The following ABTB3 variants were observed in gnomAD, a reference collection of about 807,000 sequenced individuals.
The protein encoded by ABTB3 is ankyrin repeat- and BTB/POZ domain-containing protein 3.
chr12:107,336,733 A>G, the ABTB3 span, among the ~76,000 whole-genome samples: 1 of 152,260 alleles, frequency 6.6e-6, no homozygotes, highest in African/African-American at 2.4e-5. Flanking sequence ...AGGCACTTCA[A>G]CATACTGTTC....
chr12:107,459,138 C>G, the ABTB3 span, among the ~76,000 whole-genome samples: 4 of 152,334 alleles, frequency 2.6e-5, no homozygotes, highest in South Asian at 2.1e-4. Context: ...CCCTGCCCCC[C>G]ACAACCCTAT....
chr12:107,504,021 G>T, the ABTB3 span, among the ~76,000 whole-genome samples: 6 of 152,112 alleles, frequency 3.9e-5, no homozygotes. Context: ...ATAGGGCCCT[G>T]CTTCCCCAGC....
chr12:107,607,397 GC>G, the ABTB3 span, among the ~76,000 whole-genome samples: 1 of 152,150 alleles, frequency 6.6e-6, no homozygotes, highest in Non-Finnish European at 1.5e-5. Flanking sequence ...CCTCCAGCCA[GC>G]TCTCCCCCAC....
At chr12:107,641,464 A>C in the ABTB3 span, among the ~76,000 whole-genome samples, 1 of 152,226 alleles carries the variant, frequency 6.6e-6, no homozygotes. Flanking sequence ...GACACATATC[A>C]GCTTATTCTT....
the ABTB3 span, among the ~76,000 whole-genome samples, chr12:107,396,696 GA>G: frequency 6.6e-6 from 1 of 151,294 alleles, no homozygotes; most frequent in Admixed American, 6.6e-5. Flanking sequence ...AGAATTAACA[GA>G]GGTTGATAAT....
At chr12:107,567,959 T>C in the ABTB3 span, among the ~76,000 whole-genome samples, 3 of 152,192 alleles carry the variant, frequency 2.0e-5, no homozygotes, top group African/African-American at 7.2e-5. Context: ...TTGATGTACA[T>C]TCTTGATGTA....
chr12:107,330,606 T>C, the ABTB3 span, among the ~76,000 whole-genome samples: 1 of 152,208 alleles, frequency 6.6e-6, no homozygotes. Flanking sequence ...GCTACTGTCT[T>C]GTCCAAGATC....
chr12:107,539,801 G>A, the ABTB3 span, among the ~76,000 whole-genome samples: 2,003 of 152,270 alleles, frequency 0.013, 42 homozygotes, highest in African/African-American at 0.044. Flanking sequence ...TCACCTGAGA[G>A]GTTAAGTGAC....
At chr12:107,651,846 T>C in the ABTB3 span, 1 of 1,439,588 alleles carries the variant, frequency 6.9e-7, no homozygotes, top group Non-Finnish European at 9.7e-7. Flanking sequence ...GGGGAGGCTT[T>C]TCCTTGGCAA....
chr12:107,404,595 C>T, the ABTB3 span, among the ~76,000 whole-genome samples: 4 of 152,180 alleles, frequency 2.6e-5, no homozygotes, highest in African/African-American at 4.8e-5. Flanking sequence ...GGAGTATCTG[C>T]GAATGACTTG....
the ABTB3 span, among the ~76,000 whole-genome samples, chr12:107,564,090 CTGTGTGTGTGTG>C: frequency 1.0e-3 from 131 of 126,438 alleles, 2 homozygotes; most frequent in South Asian, 0.014. Context: ...ATCTATCTCT[CTGTGTGTGTGTG>C]TGTGTGTGTG....
chr12:107,551,859 T>C, the ABTB3 span, among the ~76,000 whole-genome samples: 1 of 152,140 alleles, frequency 6.6e-6, no homozygotes, highest in Non-Finnish European at 1.5e-5. Context: ...TTCAAGTGAT[T>C]CTCGTGCCTC....
At chr12:107,453,517 C>T in the ABTB3 span, among the ~76,000 whole-genome samples, 13 of 152,118 alleles carry the variant, frequency 8.5e-5, no homozygotes, top group Admixed American at 8.5e-4. Flanking sequence ...CGGGCCCTTG[C>T]CAGACAACAA....
At chr12:107,489,651 ACC>A in the ABTB3 span, among the ~76,000 whole-genome samples, 1 of 152,168 alleles carries the variant, frequency 6.6e-6, no homozygotes, top group Non-Finnish European at 1.5e-5. Flanking sequence ...ATATCCATGG[ACC>A]TCAGGTGTTT....
chr12:107,580,577 GCT>G, the ABTB3 span: 1 of 187,282 alleles, frequency 5.3e-6, no homozygotes, highest in Non-Finnish European at 1.1e-5. Flanking sequence ...GGTTAACCTG[GCT>G]CTCTTTAGAG....
the ABTB3 span, among the ~76,000 whole-genome samples, chr12:107,464,769 T>A: frequency 6.6e-6 from 1 of 152,164 alleles, no homozygotes; most frequent in Non-Finnish European, 1.5e-5. Flanking sequence ...TTTCGAGCAG[T>A]GGTTCTCTAT....
At chr12:107,414,278 T>G in the ABTB3 span, among the ~76,000 whole-genome samples, 1 of 152,172 alleles carries the variant, frequency 6.6e-6, no homozygotes, top group East Asian at 1.9e-4. Context: ...GAATACACTG[T>G]GTGGATCATA....
chr12:107,410,245 AGT>A, the ABTB3 span, among the ~76,000 whole-genome samples: 6 of 150,960 alleles, frequency 4.0e-5, no homozygotes, highest in African/African-American at 1.5e-4. Flanking sequence ...AAAAAAAAAA[AGT>A]CAGCTACGCT....
the ABTB3 span, chr12:107,657,368 T>G: frequency 5.5e-6 from 4 of 720,974 alleles, no homozygotes; most frequent in South Asian, 1.7e-5. Flanking sequence ...TCATACCCCA[T>G]GGGTGTGTGC....
Sources: allele counts gnomAD v4.1 joint callset (sites outside exome capture counted in the v4.1 genomes callset), GRCh38; gene constraint gnomAD v4.1.1; transcripts MANE v1.5; gene names NCBI Gene and HGNC (gene_info 2026-07-23, HGNC 2026-07-21).